The following PP2D1 variants were observed in gnomAD, a reference collection of about 807,000 sequenced individuals.
PP2D1 encodes the protein protein phosphatase 2C-like domain-containing protein 1.
PP2D1 carries 25 observed loss-of-function variants against 30.2 expected under a neutral mutation model. That is an observed-to-expected ratio of 0.83 (90% CI 0.60 to 1.16). The LOEUF is 1.16. Ranked by LOEUF, PP2D1 falls within the 50% of genes most tolerant of loss-of-function variation. PP2D1 has a pLI of 0.00. For missense variants in PP2D1, 760 were observed against 742.4 expected (o/e 1.02, Z -0.28); for synonymous variants, 260 against 258.9 (o/e 1.00, Z -0.04).
At chr3:19,983,345 C>CAAAAA (rs34872300), downstream of PP2D1, among the ~76,000 whole-genome samples, 7 of 92,028 alleles carry the variant, frequency 7.6e-5, no homozygotes, top group African/African-American at 1.6e-4. Flanking sequence ...GACTACATCT[C>CAAAAA]AAAAAAAAAA....
At chr3:19,998,366 A>G (rs1697209650) in intron 2 of PP2D1, among the ~76,000 whole-genome samples, 1 of 152,144 alleles carries the variant, frequency 6.6e-6, no homozygotes, top group Non-Finnish European at 1.5e-5. Context: ...AGTTAGAGAC[A>G]AGGAATAAGT....
Position 20,001,807 on chromosome 3 carries a change from C to T in PP2D1, c.313G>A (p.Val105Met). ...ATGAACTGTCTCTGAACAGCAATCACTGAGGGCTGTGGTTTCTTTCTACCC... is the reference window on the plus strand; with the variant it reads ...ATGAACTGTCTCTGAACAGCAATCATTGAGGGCTGTGGTTTCTTTCTACCC... The part of the protein sequence containing the change: ...WMGRKKPQPS[V>M]IAVQRQFMIS... The change falls in exon 2 of 3, where the codon GTG becomes ATG. Residue 105 changes from valine to methionine, a missense_variant. Val to Met is a conservative substitution (Grantham distance 21, BLOSUM62 1). This residue lies in a region of PP2D1 where 374 missense variants were observed against 388.8 expected (regional missense o/e 0.96). Transcript: ENST00000389050. 6.5e-7 allele frequency: 1 copy of T among 1,535,250 alleles called. No individual in the cohort carries two copies. The highest frequency in any genetic ancestry group is 8.7e-7 in the Non-Finnish European group (1 of 1,146,636).
At chr3:20,010,901 G>A (rs1697377274) in intron 1 of PP2D1, among the ~76,000 whole-genome samples, 1 of 152,162 alleles carries the variant, frequency 6.6e-6, no homozygotes, top group Non-Finnish European at 1.5e-5. Flanking sequence ...GGATGAGGAT[G>A]CACCCTGCCC....
In PP2D1 at chr3:19,986,001, T is replaced by G; in HGVS notation, c.1272A>C (p.Gly424=). 4 of 1,536,132 alleles carry G rather than the reference T, an allele frequency of 2.6e-6. No individual in the cohort carries two copies. The highest frequency in any genetic ancestry group is 3.5e-6 in the Non-Finnish European group (4 of 1,146,882). Residue 424 remains glycine (G), a synonymous_variant, in exon 3 of 3, where the codon GGA becomes GGC. Coordinates refer to ENST00000389050, the MANE Select transcript of PP2D1 (RefSeq NM_001252657.2). ...VKTTRGLGFH[G]NLKLKKSIIP... Reference sequence around the variant, plus strand: ...TAATGGATTTTTTCAGCTTGAGATTTCCATGAAATCCAAGTCCTCGTGTAG... The same window carrying G: ...TAATGGATTTTTTCAGCTTGAGATTGCCATGAAATCCAAGTCCTCGTGTAG...
intron 1 of PP2D1, among the ~76,000 whole-genome samples, chr3:20,005,849 G>T (rs1271621502): frequency 6.6e-6 from 1 of 152,162 alleles, no homozygotes; most frequent in Non-Finnish European, 1.5e-5. Flanking sequence ...GGAGGTGGAG[G>T]TTGCGGTGAG....
intron 2 of PP2D1, among the ~76,000 whole-genome samples, chr3:19,986,687 T>G (rs1241364829): frequency 6.6e-6 from 1 of 152,202 alleles, no homozygotes; most frequent in East Asian, 1.9e-4. Flanking sequence ...AAAATTAGAA[T>G]GTCACTATTA....
At chr3:19,982,635 G>A (rs1407652840), downstream of PP2D1, among the ~76,000 whole-genome samples, 1 of 152,002 alleles carries the variant, frequency 6.6e-6, no homozygotes, top group Non-Finnish European at 1.5e-5. Context: ...AGTTGCTTGA[G>A]CCCAAGAGTT....
intron 1 of PP2D1, among the ~76,000 whole-genome samples, chr3:20,003,625 T>G (rs1697283209): frequency 6.6e-6 from 1 of 151,814 alleles, no homozygotes; most frequent in South Asian, 2.1e-4. Context: ...ATGCCTATAA[T>G]CCCAGCTACT....
chr3:19,995,172 C>G (rs1439654856), intron 2 of PP2D1, among the ~76,000 whole-genome samples: 1 of 152,110 alleles, frequency 6.6e-6, no homozygotes, highest in South Asian at 2.1e-4. Flanking sequence ...TCCAAAAACA[C>G]AAATTTACTC....
chr3:19,983,596 A>G (rs184632137), downstream of PP2D1: 2 of 721,836 alleles, frequency 2.8e-6, no homozygotes, highest in Admixed American at 2.2e-5. Flanking sequence ...ACATATGGTT[A>G]TATGATACTT....
At chr3:19,991,384 G>C (rs1234075167) in intron 2 of PP2D1, among the ~76,000 whole-genome samples, 5 of 152,164 alleles carry the variant, frequency 3.3e-5, no homozygotes, top group Non-Finnish European at 1.5e-5. Flanking sequence ...ATTTTTCTCA[G>C]ATAAAGCCAG....
At chr3:20,000,317 T>C (rs1261055487) in intron 2 of PP2D1, among the ~76,000 whole-genome samples, 1 of 152,196 alleles carries the variant, frequency 6.6e-6, no homozygotes, top group Non-Finnish European at 1.5e-5. Flanking sequence ...CAATATTCAG[T>C]AAGTGGACAC....
At chr3:19,981,023 A>G (rs1696915484), downstream of PP2D1, among the ~76,000 whole-genome samples, 2 of 152,246 alleles carry the variant, frequency 1.3e-5, no homozygotes, top group Admixed American at 1.3e-4. Flanking sequence ...AGTCAAAGCT[A>G]TGGTAAAGTT....
At chr3:19,986,230 C>T in intron 2 of PP2D1, 48 bp from the exon 3 acceptor site, 1 of 1,286,010 alleles carries the variant, frequency 7.8e-7, no homozygotes, top group Non-Finnish European at 1.0e-6. Flanking sequence ...TAGAGATAAC[C>T]AATTGTATCA....
chr3:19,980,200 T>A (rs1244129132), intron 3 of PP2D1: 1 of 152,140 alleles, frequency 6.6e-6, no homozygotes, highest in Non-Finnish European at 1.5e-5. Flanking sequence ...AAACAATGAG[T>A]TAATAGGCCT....
intron 2 of PP2D1, among the ~76,000 whole-genome samples, chr3:19,989,877 C>A (rs2125138580): frequency 6.8e-6 from 1 of 147,852 alleles, no homozygotes; most frequent in South Asian, 2.1e-4. Context: ...CATTATTTTC[C>A]TAGTATGTGA....
chr3:19,992,460 T>C (rs1697129924), intron 2 of PP2D1, among the ~76,000 whole-genome samples: 1 of 152,206 alleles, frequency 6.6e-6, no homozygotes, highest in Admixed American at 6.5e-5. Context: ...AATTAGACTT[T>C]AGGGGAAAAC....
rs1425943074 is a variant in PP2D1 at position 20,001,366 on chromosome 3, A to G, written c.754T>C (p.Tyr252His). 1 of 1,536,258 alleles carries G rather than the reference A, an allele frequency of 6.5e-7. No individual in the cohort carries two copies. The highest frequency in any genetic ancestry group is 8.7e-7 in the Non-Finnish European group (1 of 1,146,900). ...TDEQQIINSF[Y>H]TVFREEYAAI... ...GCGTATTCTTCTCTAAACACAGTGT[A>G]AAAGGAATTGATTATTTGTTGCTCA... Residue 252 changes from tyrosine (Y) to histidine (H), a missense_variant, in exon 2 of 3, where the codon TAC (tyrosine) becomes CAC (histidine). By Grantham distance (83) the Tyr-to-His change is moderately conservative (BLOSUM62 2). Transcript: ENST00000389050.
Position 20,004,766 on chromosome 3 carries a change from A to C in PP2D1, c.24-2670T>G, listed in dbSNP as rs192925033. Among the ~76,000 whole-genome samples, 64 of 147,190 alleles carry C rather than the reference A, an allele frequency of 4.3e-4. 2 individuals are homozygous for C. The East Asian group carries it at 8.9e-3, about 20-fold the overall frequency. The stretch of plus-strand genomic sequence containing the variant: ...TTCAAGGGCCTATGAAAAGTTAGAG[A>C]CCAGAAAAAAAAATACTTTGGTTAC... On this transcript the variant is annotated intron_variant, in intron 1 of 2. Coordinates refer to ENST00000389050, the MANE Select transcript of PP2D1 (RefSeq NM_001252657.2).
Sources: allele counts gnomAD v4.1 joint callset (sites outside exome capture counted in the v4.1 genomes callset), GRCh38; gene constraint gnomAD v4.1.1; regional missense constraint gnomAD v4.1.1; transcripts MANE v1.5; gene names NCBI Gene and HGNC (gene_info 2026-07-23, HGNC 2026-07-21).